Variants in CDH13 observed in about 807,000 individuals in gnomAD.
CDH13 encodes the protein cadherin 13.
Under a neutral mutation model 63.8 loss-of-function variants are expected in CDH13, and 24 were observed. The ratio of observed to expected loss-of-function variants is 0.38; its 90% CI spans 0.27 to 0.53. The LOEUF (loss-of-function observed/expected upper bound fraction) is 0.53, where lower values mean the gene tolerates loss of function less well. Among genes scored for constraint, CDH13 ranks in the 20% least tolerant of loss-of-function variants. The pLI is 0.85. For missense variants in CDH13, 1,049 were observed against 903.1 expected (o/e 1.16, Z -2.07); for synonymous variants, 503 against 355.3 (o/e 1.42, Z -4.67).
intron 7 of CDH13, among the ~76,000 whole-genome samples, chr16:83,500,272 TC>T (rs1321630553): frequency 0.023 from 72 of 3,112 alleles, 6 homozygotes; most frequent in African/African-American, 0.026. Context: ...TTCTTCTTCT[TC>T]TTCTTCTTCT....
At chr16:83,529,472 A>T (rs1412202033) in intron 7 of CDH13, among the ~76,000 whole-genome samples, 3 of 152,196 alleles carry the variant, frequency 2.0e-5, no homozygotes, top group Non-Finnish European at 2.9e-5. Context: ...CATCCATTCT[A>T]GGAAATACTA....
intron 2 of CDH13, among the ~76,000 whole-genome samples, chr16:82,974,972 C>G (rs1020902027): frequency 1.1e-4 from 17 of 152,352 alleles, no homozygotes; most frequent in African/African-American, 4.1e-4. Context: ...TGTAATGGCG[C>G]TGGGTCAGTC....
intron 10 of CDH13, among the ~76,000 whole-genome samples, chr16:83,724,806 C>T (rs148892233): frequency 9.9e-5 from 15 of 152,266 alleles, no homozygotes; most frequent in African/African-American, 3.4e-4. Flanking sequence ...GCTGGGTGAG[C>T]AGGGGCTATA....
intron 10 of CDH13, among the ~76,000 whole-genome samples, chr16:83,713,334 A>C (rs1252593648): frequency 6.6e-6 from 1 of 152,042 alleles, no homozygotes; most frequent in African/African-American, 2.4e-5. Context: ...TTGGCCTCCC[A>C]CCCCACATTT....
intron 6 of CDH13, among the ~76,000 whole-genome samples, chr16:83,481,038 A>G (rs547880766): frequency 6.6e-6 from 1 of 152,142 alleles, no homozygotes; most frequent in South Asian, 2.1e-4. Context: ...GCATGGTTTG[A>G]TTGGAATTAG....
chr16:83,674,072 G>T (rs1321614530), intron 9 of CDH13, among the ~76,000 whole-genome samples: 1 of 152,206 alleles, frequency 6.6e-6, no homozygotes, highest in African/African-American at 2.4e-5. Context: ...CCTTCTAGAA[G>T]CCAGCTAGGC....
chr16:83,764,878 G>C (rs143038180), intron 11 of CDH13, among the ~76,000 whole-genome samples: 29 of 152,278 alleles, frequency 1.9e-4, no homozygotes, highest in Non-Finnish European at 3.8e-4. Flanking sequence ...TCCTGCCTGT[G>C]CGTCTGCATC....
chr16:83,496,211 A>G (rs918186230), intron 7 of CDH13, among the ~76,000 whole-genome samples: 2 of 151,692 alleles, frequency 1.3e-5, no homozygotes, highest in Non-Finnish European at 2.9e-5. Flanking sequence ...AGTCAATCCT[A>G]AGCCAAAAGA....
chr16:83,626,548 C>T (rs916450072), intron 8 of CDH13, among the ~76,000 whole-genome samples: 2 of 152,126 alleles, frequency 1.3e-5, no homozygotes, highest in Non-Finnish European at 1.5e-5. Flanking sequence ...CAAACCTGGA[C>T]TGGGTGGGGC....
intron 5 of CDH13, among the ~76,000 whole-genome samples, chr16:83,286,950 C>T (rs907086084): frequency 3.3e-5 from 5 of 151,970 alleles, no homozygotes; most frequent in Admixed American, 1.3e-4. Flanking sequence ...TGCCCGTGCT[C>T]CTATGTGTAT....
At chr16:83,519,315 G>A (rs1010223832) in intron 7 of CDH13, among the ~76,000 whole-genome samples, 5 of 152,140 alleles carry the variant, frequency 3.3e-5, no homozygotes, top group African/African-American at 7.2e-5. Flanking sequence ...GCCTTTATCA[G>A]GAAAACTGCA....
At chr16:83,643,298 A>AAG (rs1555507569) in intron 8 of CDH13, among the ~76,000 whole-genome samples, 427 of 42,490 alleles carry the variant, frequency 0.01, 7 homozygotes, top group Non-Finnish European at 0.013. Context: ...AAAAAAAAAA[A>AAG]AAAGAAAAAA....
chr16:83,043,946 T>G (rs929322174), intron 3 of CDH13, among the ~76,000 whole-genome samples: 8 of 152,210 alleles, frequency 5.3e-5, no homozygotes, highest in African/African-American at 1.9e-4. Context: ...ACATCTCAAT[T>G]TAGAGTATTT....
intron 2 of CDH13, among the ~76,000 whole-genome samples, chr16:82,919,076 G>T (rs1222027706): frequency 2.6e-5 from 4 of 151,750 alleles, no homozygotes; most frequent in African/African-American, 9.7e-5. Context: ...TTGGCTTTTT[G>T]TTTTATAGTA....
At chr16:82,755,805 G>T (rs185729227) in intron 1 of CDH13, among the ~76,000 whole-genome samples, 109 of 152,320 alleles carry the variant, frequency 7.2e-4, no homozygotes, top group African/African-American at 2.4e-3. Flanking sequence ...CCTTACTGGG[G>T]ATTTAGGCAT....
intron 5 of CDH13, among the ~76,000 whole-genome samples, chr16:83,272,788 A>G (rs2088865004): frequency 6.6e-6 from 1 of 152,336 alleles, no homozygotes; most frequent in Non-Finnish European, 1.5e-5. Flanking sequence ...GGCAGAGTCA[A>G]CGTGGGAAAT....
intron 3 of CDH13, among the ~76,000 whole-genome samples, chr16:83,049,049 GGCT>G (rs2151500776): frequency 6.6e-6 from 1 of 152,198 alleles, no homozygotes; most frequent in East Asian, 1.9e-4. Context: ...TTAGTCCTGA[GGCT>G]GCTTGAAGTC....
intron 2 of CDH13, among the ~76,000 whole-genome samples, chr16:82,948,542 C>T (rs1250340173): frequency 6.6e-6 from 1 of 152,124 alleles, no homozygotes; most frequent in Non-Finnish European, 1.5e-5. Flanking sequence ...ATCAAAAGAT[C>T]AAAGGCATAA....
chr16:83,696,502 C>T (rs1353634727), intron 10 of CDH13, among the ~76,000 whole-genome samples: 1 of 152,134 alleles, frequency 6.6e-6, no homozygotes, highest in Non-Finnish European at 1.5e-5. Context: ...GGAACTCCCA[C>T]CAGGGAGTTC....
Sources: gnomAD v4.1 joint callset for allele counts (sites outside exome capture counted in the v4.1 genomes callset) on GRCh38, gnomAD v4.1.1 for gene constraint, MANE v1.5 for transcripts, NCBI Gene and HGNC (gene_info 2026-07-23, HGNC 2026-07-21) for gene names.